The following LRP1B variants were observed in gnomAD, a reference collection of about 807,000 sequenced individuals.
LRP1B encodes low-density lipoprotein receptor-related protein 1B.
Under a neutral mutation model 556.6 loss-of-function variants are expected in LRP1B, and 217 were observed. That is an observed-to-expected ratio of 0.39 (90% CI 0.35 to 0.44). LRP1B has a LOEUF of 0.44. Ranked by LOEUF, LRP1B falls within the 20% of genes least tolerant of loss-of-function variation. LRP1B has a pLI of 1.00. For synonymous variants in LRP1B, 2,047 were observed against 1,865.8 expected, an observed-to-expected ratio of 1.10 and a Z score of -2.50; for missense variants, 5,053 against 5,620.8, an observed-to-expected ratio of 0.90 and a Z score of 3.23.
chr2:141,879,612 T>G (rs1401555268), intron 1 of LRP1B, among the ~76,000 whole-genome samples: 1 of 151,812 alleles, frequency 6.6e-6, no homozygotes, highest in African/African-American at 2.4e-5. Flanking sequence ...AGTGAAAATG[T>G]AGAATCATCA....
At chr2:141,891,248 G>C (rs1000210570) in intron 1 of LRP1B, among the ~76,000 whole-genome samples, 4 of 152,114 alleles carry the variant, frequency 2.6e-5, no homozygotes, top group Non-Finnish European at 5.9e-5. Flanking sequence ...AGAAGGAAAG[G>C]TTTCAAAGAT....
chr2:141,398,734 C>G (rs1196845524), intron 3 of LRP1B, among the ~76,000 whole-genome samples: 2 of 152,148 alleles, frequency 1.3e-5, no homozygotes, highest in Non-Finnish European at 2.9e-5. Context: ...AGGCAGAAAC[C>G]GGTTTGAGAG....
At chr2:141,758,259 C>T (rs920688352) in intron 2 of LRP1B, among the ~76,000 whole-genome samples, 5 of 152,074 alleles carry the variant, frequency 3.3e-5, no homozygotes, top group Non-Finnish European at 5.9e-5. Context: ...ATAAAAACAT[C>T]ACATACTGCT....
At chr2:140,935,158 A>G (rs1477241798) in intron 20 of LRP1B, among the ~76,000 whole-genome samples, 2 of 152,162 alleles carry the variant, frequency 1.3e-5, no homozygotes, top group Non-Finnish European at 2.9e-5. Flanking sequence ...CCATTCAAAG[A>G]AAACAAAATA....
chr2:140,541,181 A>AC, intron 44 of LRP1B, 83 bp from the exon 45 acceptor site: 1 of 1,119,962 alleles, frequency 8.9e-7, no homozygotes, highest in Non-Finnish European at 1.3e-6. Flanking sequence ...AAACTATTAG[A>AC]CTGCCTCAAT....
intron 3 of LRP1B, among the ~76,000 whole-genome samples, chr2:141,447,303 G>A (rs146898257): frequency 0.011 from 1,641 of 151,938 alleles, 17 homozygotes; most frequent in African/African-American, 0.036. Flanking sequence ...ATTCTAGTTA[G>A]CAACTCCTCT....
chr2:140,345,861 C>T (rs1825752), intron 77 of LRP1B, among the ~76,000 whole-genome samples: 64,867 of 137,472 alleles, frequency 0.47, 15,733 homozygotes, highest in Non-Finnish European at 0.53. Context: ...CACACACACA[C>T]ATATATATAT....
rs1486902356 is a variant in LRP1B at position 140,908,371 on chromosome 2, T to TA, written c.3320-295dup. Among the ~76,000 whole-genome samples, 7 of 15,540 alleles carry TA rather than the reference T, an allele frequency of 4.5e-4. No homozygotes were observed. In the South Asian group the frequency reaches 0.011, roughly 24 times the overall value. The allele number at this position is 15,540 out of a possible 152,430, so 10.2% of individuals were successfully genotyped here. A position where few individuals can be genotyped will look rare whatever the true frequency, so the allele number is the denominator to read the frequency against. ...CATATATTTATATTTATATAATATA[T>TA]ATATATATATATATATATATAAAAA... On this transcript the variant is annotated intron_variant, in intron 21 of 90. Transcript: ENST00000389484.
At chr2:141,986,376 T>G (rs1394923510) in intron 1 of LRP1B, among the ~76,000 whole-genome samples, 1 of 151,972 alleles carries the variant, frequency 6.6e-6, no homozygotes, top group Non-Finnish European at 1.5e-5. Context: ...ATGGCCAATG[T>G]AAATACAGTT....
In LRP1B at chr2:141,864,838, C is replaced by T. The variant is rs887516608; in HGVS notation, c.83-54437G>A. ...CGGAGGCTGCAGTGAGCCGAGATCA[C>T]GCCACTGCACTCCAGCCTGGGTGAC... On this transcript the variant is annotated intron_variant, in intron 1 of 90. Coordinates refer to ENST00000389484, the MANE Select transcript of LRP1B (RefSeq NM_018557.3). Among the ~76,000 whole-genome samples the T allele has an allele frequency of 7.2e-5, 11 of 152,194 alleles. No homozygotes were observed. In the East Asian group the frequency reaches 1.7e-3, roughly 24 times the overall value.
At chr2:141,879,197 A>G (rs994660244) in intron 1 of LRP1B, among the ~76,000 whole-genome samples, 1 of 151,898 alleles carries the variant, frequency 6.6e-6, no homozygotes, top group African/African-American at 2.4e-5. Context: ...AGATGTAGGT[A>G]TCATATTGTA....
chr2:140,308,592 A>G (rs1234571721), intron 83 of LRP1B, among the ~76,000 whole-genome samples: 1 of 151,684 alleles, frequency 6.6e-6, no homozygotes, highest in African/African-American at 2.4e-5. Flanking sequence ...GTGCTTTCAA[A>G]TTTTTGTCTT....
chr2:141,834,031 ACTGAG>A (rs1163907239), intron 1 of LRP1B, among the ~76,000 whole-genome samples: 4 of 151,800 alleles, frequency 2.6e-5, no homozygotes, highest in Non-Finnish European at 5.9e-5. Context: ...TTAGAGAAAA[ACTGAG>A]CAATCTCTCC....
At position 140,895,674 on chromosome 2, in the gene LRP1B, C is replaced by G. The variant is rs529815952; in HGVS notation, c.3766+7246G>C. On this transcript the variant is annotated intron_variant, in intron 23 of 90. Transcript: ENST00000389484. ...TGTCAGGAAGAATCAGGTCACACAA[C>G]GAACTGAAGATGGTAAATGCAGGGG... 2.1e-4 allele frequency among the ~76,000 whole-genome samples: 32 copies of G among 152,244 alleles called. No homozygotes were observed. The South Asian group carries it at 4.1e-3, about 20-fold the overall frequency.
intron 7 of LRP1B, among the ~76,000 whole-genome samples, chr2:141,092,329 G>A (rs994460981): frequency 1.3e-5 from 2 of 152,222 alleles, no homozygotes; most frequent in African/African-American, 4.8e-5. Context: ...GTAAGAAAGA[G>A]AGGAATCAAG....
At chr2:140,494,922 A>AT (rs944603304) in intron 56 of LRP1B, among the ~76,000 whole-genome samples, 4 of 151,970 alleles carry the variant, frequency 2.6e-5, no homozygotes, top group African/African-American at 4.8e-5. Context: ...CTTAGTCACC[A>AT]TTTTTTTGCC....
intron 47 of LRP1B, among the ~76,000 whole-genome samples, chr2:140,528,387 T>A (rs556416117): frequency 6.6e-6 from 1 of 151,960 alleles, no homozygotes; most frequent in South Asian, 2.1e-4. Context: ...AGAAGAGCGG[T>A]TAGAAAGTAG....
intron 7 of LRP1B, among the ~76,000 whole-genome samples, chr2:141,072,499 G>A (rs1699674723): frequency 6.6e-6 from 1 of 151,964 alleles, no homozygotes; most frequent in Non-Finnish European, 1.5e-5. Flanking sequence ...AGATTCCCAT[G>A]ATGATAAATA....
chr2:141,062,831 A>G (rs1462258238), intron 7 of LRP1B, among the ~76,000 whole-genome samples: 1 of 151,832 alleles, frequency 6.6e-6, no homozygotes, highest in Non-Finnish European at 1.5e-5. Context: ...CCCCACCAAA[A>G]CTTATCCCAA....
Sources: allele counts gnomAD v4.1 joint callset (sites outside exome capture counted in the v4.1 genomes callset), GRCh38; gene constraint gnomAD v4.1.1; transcripts MANE v1.5; gene names NCBI Gene and HGNC (gene_info 2026-07-23, HGNC 2026-07-21).